The following RSF1 variants were observed in gnomAD, a reference collection of about 807,000 sequenced individuals.
The protein encoded by RSF1 is HBV pX-associated protein 8.
Under a neutral mutation model 145.2 loss-of-function variants are expected in RSF1, and 13 were observed. The ratio of observed to expected loss-of-function variants is 0.09; its 90% CI spans 0.06 to 0.14. RSF1 has a LOEUF of 0.14. Among genes scored for constraint, RSF1 ranks in the 10% least tolerant of loss-of-function variants. RSF1 has a pLI of 1.00. For synonymous variants in RSF1, 577 were observed against 592.6 expected (o/e 0.97, Z 0.38); for missense variants, 1,517 against 1,718.2 (o/e 0.88, Z 2.07).
the RSF1 span, among the ~76,000 whole-genome samples, chr11:77,834,538 CTGA>C: frequency 6.7e-6 from 1 of 150,364 alleles, no homozygotes; most frequent in Non-Finnish European, 1.5e-5. Context: ...CCTCAGCCTC[CTGA>C]GTAGCTGGAA....
chr11:77,857,144 G>A, the RSF1 span, among the ~76,000 whole-genome samples: 1 of 152,186 alleles, frequency 6.6e-6, no homozygotes. Flanking sequence ...CTGCCTTCAA[G>A]AAGCTCTATA....
chr11:77,748,045 C>G (rs1486896346), intron 2 of RSF1, among the ~76,000 whole-genome samples: 1 of 151,976 alleles, frequency 6.6e-6, no homozygotes, highest in African/African-American at 2.4e-5. Context: ...ATGGGGTAGA[C>G]AGGAGAAAAA....
rs146072725 is a variant in RSF1, at chr11:77,808,463, C to T, written c.187+12065G>A. On this transcript the variant is annotated intron_variant, in intron 1 of 15. Transcript: ENST00000308488. ...CATGTTCAAATATCAAGGCATTCAA[C>T]TGTACGTATGACTTGTAGTTCTTTG... 7.8e-3 allele frequency among the ~76,000 whole-genome samples: 1,174 copies of T among 151,158 alleles called. 8 individuals carry two copies. Among genetic ancestry groups the T allele is most frequent in the Non-Finnish European group, 0.012 (819 of 67,816 alleles).
chr11:77,733,743 G>A (rs1565163698), intron 4 of RSF1, among the ~76,000 whole-genome samples: 1 of 151,984 alleles, frequency 6.6e-6, no homozygotes, highest in African/African-American at 2.4e-5. Flanking sequence ...TGTATTTGTT[G>A]TAGAGACAGG....
chr11:77,750,947 A>C (rs966631177), intron 2 of RSF1, among the ~76,000 whole-genome samples: 1 of 152,062 alleles, frequency 6.6e-6, no homozygotes, highest in Non-Finnish European at 1.5e-5. Context: ...CACCAGAATC[A>C]ATGTTTGGTG....
chr11:77,862,138 G>A, the RSF1 span, among the ~76,000 whole-genome samples: 3 of 152,146 alleles, frequency 2.0e-5, no homozygotes, highest in South Asian at 2.1e-4. Flanking sequence ...GCACCAATCT[G>A]TATGTTCTGA....
At chr11:77,838,509 C>G in the RSF1 span, among the ~76,000 whole-genome samples, 1 of 152,078 alleles carries the variant, frequency 6.6e-6, no homozygotes, top group Non-Finnish European at 1.5e-5. Flanking sequence ...ACATTTTGGA[C>G]TTGCCAGCCT....
upstream of RSF1, among the ~76,000 whole-genome samples, chr11:77,824,594 C>T (rs1949082668): frequency 2.0e-5 from 3 of 152,128 alleles, no homozygotes; most frequent in African/African-American, 7.2e-5. Flanking sequence ...ATCTTAAAAA[C>T]ATGTTGAGTA....
intron 15 of RSF1, among the ~76,000 whole-genome samples, chr11:77,668,624 C>T (rs1034965230): frequency 4.6e-5 from 7 of 152,128 alleles, no homozygotes; most frequent in African/African-American, 1.7e-4. Flanking sequence ...TCTGAACATA[C>T]ATAGACTTTT....
intron 1 of RSF1, among the ~76,000 whole-genome samples, chr11:77,798,742 A>G (rs1305666741): frequency 6.6e-6 from 1 of 151,686 alleles, no homozygotes; most frequent in East Asian, 1.9e-4. Flanking sequence ...AGAACAGAAA[A>G]CCAAACACCA....
intron 2 of RSF1, among the ~76,000 whole-genome samples, chr11:77,757,760 G>A (rs1170673292): frequency 6.6e-6 from 1 of 152,288 alleles, no homozygotes; most frequent in East Asian, 1.9e-4. Flanking sequence ...TAATGTCAAG[G>A]AGAACAACTA....
chr11:77,666,948 A>G lies in RSF1; in HGVS notation c.4295T>C (p.Val1432Ala). The part of the protein sequence containing the change: ...EDELLRVTDL[V>A]DYVCNSEQL ...CTGTTCACTGTTACAGACATAATCA[A>G]CAAGGTCAGTCACTCTCAAAAGCTC... is the stretch of plus-strand genomic sequence containing the variant. The change falls in exon 16 of 16, where the codon GTT becomes GCT. Residue 1432 changes from valine to alanine, a missense_variant. Transcript: ENST00000308488. The G allele has an allele frequency of 6.3e-7, 1 of 1,589,288 alleles. No homozygotes were observed. Among genetic ancestry groups the G allele is most frequent in the Non-Finnish European group, 8.6e-7 (1 of 1,164,634 alleles).
At chr11:77,742,566 C>A (rs1309484898) in intron 3 of RSF1, among the ~76,000 whole-genome samples, 1 of 152,228 alleles carries the variant, frequency 6.6e-6, no homozygotes, top group African/African-American at 2.4e-5. Flanking sequence ...GCATGAGCCA[C>A]TGCACCTGGC....
chr11:77,817,073 T>A (rs1948788393), intron 1 of RSF1, among the ~76,000 whole-genome samples: 1 of 152,156 alleles, frequency 6.6e-6, no homozygotes, highest in African/African-American at 2.4e-5. Flanking sequence ...TGCCCCGAAA[T>A]TCAATGATAG....
At chr11:77,708,260 T>C (rs777928768) in intron 5 of RSF1, among the ~76,000 whole-genome samples, 11 of 151,996 alleles carry the variant, frequency 7.2e-5, no homozygotes, top group Non-Finnish European at 1.2e-4. Flanking sequence ...CTCGACCAAA[T>C]ATAGAAAAAT....
At chr11:77,813,358 C>T in intron 1 of RSF1, 1 of 962,170 alleles carries the variant, frequency 1.0e-6, no homozygotes, top group Non-Finnish European at 1.7e-6. Flanking sequence ...CAACTCCCGG[C>T]TCAAACTGAT....
At chr11:77,700,126 A>T (rs1960379281) in intron 6 of RSF1, among the ~76,000 whole-genome samples, 2 of 151,980 alleles carry the variant, frequency 1.3e-5, no homozygotes, top group Admixed American at 1.3e-4. Context: ...GCCGAGGTGG[A>T]CGGATCACCA....
intron 7 of RSF1, among the ~76,000 whole-genome samples, chr11:77,696,673 C>G (rs1399775173): frequency 2.0e-5 from 3 of 152,170 alleles, no homozygotes; most frequent in East Asian, 3.8e-4. Context: ...AAGGAGAGAA[C>G]ACAAGTGATG....
intron 5 of RSF1, among the ~76,000 whole-genome samples, chr11:77,705,861 A>C (rs10899400): frequency 0.57 from 86,323 of 151,818 alleles, 24,736 homozygotes; most frequent in African/African-American, 0.59. Flanking sequence ...TCAAAAAAAA[A>C]CCAAAAAAAC....
Sources: gnomAD v4.1 joint callset for allele counts (sites outside exome capture counted in the v4.1 genomes callset) on GRCh38, gnomAD v4.1.1 for gene constraint, MANE v1.5 for transcripts, NCBI Gene and HGNC (gene_info 2026-07-23, HGNC 2026-07-21) for gene names.